Variants in SCARB1 observed in about 807,000 individuals in gnomAD.
SCARB1 encodes the protein scavenger receptor class B member 1.
A neutral mutation model predicts 57.2 loss-of-function variants in SCARB1; 30 were observed. The observed-to-expected ratio is 0.52, with a 90% CI of 0.39 to 0.71. SCARB1 has a LOEUF of 0.71. SCARB1 is among the 30% of genes least tolerant of loss of function. The pLI is 0.00. For synonymous variants in SCARB1, 249 were observed against 268.3 expected (o/e 0.93, Z 0.70); for missense variants, 543 against 671.2 (o/e 0.81, Z 2.11).
At chr12:124,825,557 G>A (rs1029675094) in intron 1 of SCARB1, among the ~76,000 whole-genome samples, 2 of 152,072 alleles carry the variant, frequency 1.3e-5, no homozygotes, top group African/African-American at 4.8e-5. Context: ...TGTAGTCCCA[G>A]CTACTCGGGA....
At chr12:124,779,477 G>C (rs1045186155) in intron 12 of SCARB1, among the ~76,000 whole-genome samples, 1 of 152,150 alleles carries the variant, frequency 6.6e-6, no homozygotes. Context: ...GGCGCAGGAC[G>C]TGGGGAGGGG....
chr12:124,859,073 G>A (rs1342813200), intron 1 of SCARB1, among the ~76,000 whole-genome samples: 1 of 151,896 alleles, frequency 6.6e-6, no homozygotes, highest in African/African-American at 2.4e-5. Flanking sequence ...TGTAGAGATG[G>A]GGGTCTCACT....
intron 1 of SCARB1, among the ~76,000 whole-genome samples, chr12:124,849,444 C>G (rs1181961207): frequency 6.6e-6 from 1 of 152,232 alleles, no homozygotes; most frequent in Admixed American, 6.5e-5. Flanking sequence ...TGCCTCATCC[C>G]AGTCCTGCCG....
Position 124,863,815 on chromosome 12 carries a change from G to T in SCARB1, c.-95C>A, listed in dbSNP as rs1392352653. The T allele has an allele frequency of 8.9e-6, 12 of 1,342,972 alleles. No homozygotes were observed. The highest frequency in any genetic ancestry group is 1.1e-5 in the Non-Finnish European group (12 of 1,046,302). 83.2% of individuals were successfully genotyped at this position (1,342,972 alleles called of 1,614,324 possible). A position where few individuals can be genotyped will look rare whatever the true frequency, so the allele number is the denominator to read the frequency against. ...GAGACGACACAGGCGGGGACTCCGG[G>T]CACGCAGGCCGCAGAGGCACGGTGG... On this transcript the variant is annotated 5_prime_UTR_variant, in exon 1 of 13. Coordinates refer to ENST00000261693, the MANE Select transcript of SCARB1 (RefSeq NM_005505.5).
In SCARB1 at chr12:124,812,068, G is replaced by A. The variant is rs997641243; in HGVS notation, c.631-103C>T. ...AGCCCTCCTCCCCCTCCACCAGAAG[G>A]ACAGGGCCCCCAGCATCTGGTTCAC... On this transcript the variant is annotated intron_variant, in intron 4 of 12. Coordinates refer to ENST00000261693, the MANE Select transcript of SCARB1 (RefSeq NM_005505.5). The surrounding 1 kb of genome is among the most constrained non-coding windows in gnomAD (Gnocchi z 4.3). The A allele has an allele frequency of 1.2e-6, 1 of 861,302 alleles. No individual in the cohort carries two copies. The highest frequency in any genetic ancestry group is 2.0e-5 in the Admixed American group (1 of 49,892). The allele number at this position is 861,302 out of a possible 1,614,324, so 53.4% of individuals were successfully genotyped here. A position where few individuals can be genotyped will look rare whatever the true frequency, so the allele number is the denominator to read the frequency against.
chr12:124,798,271 T>A (rs1161622566), intron 8 of SCARB1, among the ~76,000 whole-genome samples: 2 of 151,866 alleles, frequency 1.3e-5, no homozygotes, highest in Non-Finnish European at 2.9e-5. Flanking sequence ...ATTAGCCAGG[T>A]GTGGTGGTGT....
chr12:124,857,662 G>GT (rs1461482563), intron 1 of SCARB1, among the ~76,000 whole-genome samples: 2 of 152,226 alleles, frequency 1.3e-5, no homozygotes, highest in Non-Finnish European at 2.9e-5. Context: ...AGATACAGGG[G>GT]TATCAGGAAA....
In SCARB1 at chr12:124,786,409, G is replaced by A. The variant is rs926860514; in HGVS notation, c.1349C>T (p.Ala450Val). 11 of 1,614,040 alleles carry A rather than the reference G, an allele frequency of 6.8e-6. No individual in the cohort carries two copies. The highest frequency in any genetic ancestry group is 4.0e-5 in the African/African-American group (3 of 74,946). Residue 450 changes from alanine (A) to valine (V), a missense_variant, in exon 11 of 13, where the codon GCG becomes GTG. Ala to Val is a moderately conservative substitution (Grantham distance 64, BLOSUM62 0). Transcript: ENST00000261693. ...VMHYAQYVLL[A>V]LGCVLLLVPV... ...GACCAGCAGCAGGACGCAGCCCAGC[G>A]CCAGGAGGACGTACTGGGCATAGTG...
intron 1 of SCARB1, among the ~76,000 whole-genome samples, chr12:124,855,969 T>G (rs565471930): frequency 6.6e-6 from 1 of 152,208 alleles, no homozygotes; most frequent in Non-Finnish European, 1.5e-5. Context: ...TCCATCCCAT[T>G]TGCTAGAAAC....
chr12:124,845,370 T>TA (rs1952099431), intron 1 of SCARB1, among the ~76,000 whole-genome samples: 1 of 151,970 alleles, frequency 6.6e-6, no homozygotes, highest in Non-Finnish European at 1.5e-5. Flanking sequence ...GCCAGGCACT[T>TA]AAGGCCACAC....
chr12:124,846,729 CAAAAAAAAAAAAAAAAAA>C (rs5801572), intron 1 of SCARB1, among the ~76,000 whole-genome samples: 1 of 46,004 alleles, frequency 2.2e-5, no homozygotes, highest in Non-Finnish European at 3.6e-5. Flanking sequence ...GACTCCATCT[CAAAAAAAAAAAAAAAAAA>C]AAAAAAAAAA....
At position 124,811,853 on chromosome 12, in the gene SCARB1, C is replaced by G; in HGVS notation, c.726+17G>C. On this transcript the variant is annotated intron_variant, in intron 5 of 12. Coordinates refer to ENST00000261693, the MANE Select transcript of SCARB1 (RefSeq NM_005505.5). ...CCCTCTCCCTGGCGACAGGGGCCCT[C>G]GCCTCTCGCCCCTCACCTTGCTCAG... 1 of 1,591,834 alleles carries G rather than the reference C, an allele frequency of 6.3e-7. No homozygotes were observed. The highest frequency in any genetic ancestry group is 8.6e-7 in the Non-Finnish European group (1 of 1,164,802).
intron 1 of SCARB1, among the ~76,000 whole-genome samples, chr12:124,827,889 A>G (rs941337829): frequency 2.0e-5 from 3 of 152,068 alleles, no homozygotes; most frequent in Admixed American, 6.6e-5. Context: ...GTCCATCTGT[A>G]TCACCTGCCT....
rs1383306967 is a variant in SCARB1, at chr12:124,817,870, G to A, written c.127-163C>T. Among the ~76,000 whole-genome samples the A allele has an allele frequency of 3.9e-5, 6 of 152,162 alleles. No homozygotes were observed. Among genetic ancestry groups the A allele is most frequent in the East Asian group, 1.9e-4 (1 of 5,202 alleles). On this transcript the variant is annotated intron_variant, in intron 1 of 12. Transcript: ENST00000261693. The surrounding 1 kb of genome is among the most constrained non-coding windows in gnomAD (Gnocchi z 4.8). The stretch of plus-strand genomic sequence containing the variant: ...AAAGCCCTTCGCACATGAGGCTGTC[G>A]CACCTGGAGCTTATGGAATTAAACA...
At position 124,863,334 on chromosome 12, in the gene SCARB1, C is replaced by T. The variant is rs150218428; in HGVS notation, c.126+261G>A. Among the ~76,000 whole-genome samples, 1,127 of 152,336 alleles carry T rather than the reference C, an allele frequency of 7.4e-3. 19 individuals carry two copies. The highest frequency in any genetic ancestry group is 0.025 in the African/African-American group (1,042 of 41,588). On this transcript the variant is annotated intron_variant, in intron 1 of 12. Transcript: ENST00000261693. ...GTCAGGCGCCCGGGTGGTCTCCCGT[C>T]CAGGCCTCCCCAACCCTGGCCTGCG...
chr12:124,854,671 C>T (rs908900316), intron 1 of SCARB1, among the ~76,000 whole-genome samples: 2 of 152,108 alleles, frequency 1.3e-5, no homozygotes, highest in African/African-American at 4.8e-5. Flanking sequence ...AACTTTCTGA[C>T]GGGTTCTCTG....
chr12:124,812,397 G>A lies in SCARB1; in HGVS notation c.631-432C>T, dbSNP rs372552571. 3.9e-5 allele frequency among the ~76,000 whole-genome samples: 6 copies of A among 152,224 alleles called. No individual in the cohort carries two copies. Among genetic ancestry groups the A allele is most frequent in the East Asian group, 1.9e-4 (1 of 5,200 alleles). Reference sequence around the variant, plus strand: ...TGCCGCTGCTATAGCAGCCAAGGAGGTATGTGTCAAGACAGAGCCTCCCTC... The same window carrying A: ...TGCCGCTGCTATAGCAGCCAAGGAGATATGTGTCAAGACAGAGCCTCCCTC... On this transcript the variant is annotated intron_variant, in intron 4 of 12. Coordinates refer to ENST00000261693, the MANE Select transcript of SCARB1 (RefSeq NM_005505.5). The surrounding 1 kb of genome is among the most constrained non-coding windows in gnomAD (Gnocchi z 4.3).
At chr12:124,845,267 C>T (rs1476180219) in intron 1 of SCARB1, among the ~76,000 whole-genome samples, 1 of 152,210 alleles carries the variant, frequency 6.6e-6, no homozygotes, top group Non-Finnish European at 1.5e-5. Context: ...AGTGCACCCG[C>T]ACCGTGGAGG....
chr12:124,857,881 T>C (rs1316379315), intron 1 of SCARB1, among the ~76,000 whole-genome samples: 1 of 152,186 alleles, frequency 6.6e-6, no homozygotes, highest in Non-Finnish European at 1.5e-5. Flanking sequence ...CCATGAGGCC[T>C]ATCATTGAAG....
Sources: allele counts gnomAD v4.1 joint callset (sites outside exome capture counted in the v4.1 genomes callset), GRCh38; gene constraint gnomAD v4.1.1; non-coding constraint Gnocchi (gnomAD v3.1); transcripts MANE v1.5; gene names NCBI Gene and HGNC (gene_info 2026-07-23, HGNC 2026-07-21).